The following STPG1 variants were observed in gnomAD, a reference collection of about 807,000 sequenced individuals.
STPG1 encodes the protein sperm tail PG-rich repeat containing 1.
In STPG1, 33 loss-of-function variants were observed where a neutral mutation model predicts 40.1. The ratio of observed to expected loss-of-function variants is 0.82; its 90% CI spans 0.62 to 1.10. The LOEUF (loss-of-function observed/expected upper bound fraction) is 1.10. Among genes scored for constraint, STPG1 ranks in the 50% least tolerant of loss-of-function variants. The pLI is 0.00. For missense variants in STPG1, 396 were observed against 415.1 expected (o/e 0.95, Z 0.40); for synonymous variants, 150 against 155.0 (o/e 0.97, Z 0.24).
intron 3 of STPG1, among the ~76,000 whole-genome samples, chr1:24,387,290 T>A (rs1024709886): frequency 1.3e-5 from 2 of 152,166 alleles, no homozygotes; most frequent in African/African-American, 4.8e-5. Context: ...ACAGTGCTCA[T>A]GGATGGATGT....
At chr1:24,396,299 C>CTATCTATCTATCTATCTATCTATCATCT (rs58386447) in intron 2 of STPG1, among the ~76,000 whole-genome samples, 7 of 144,354 alleles carry the variant, frequency 4.8e-5, no homozygotes, top group South Asian at 2.1e-4. Context: ...ATCTATCTAT[C>CTATCTATCTATCTATCTATCTATCATCT]ATCTATCTAT....
chr1:24,364,475 A>G, intron 7 of STPG1: 1 of 1,393,846 alleles, frequency 7.2e-7, no homozygotes, highest in Non-Finnish European at 9.3e-7. Flanking sequence ...ATTACTTTGC[A>G]TTTAAAATGT....
rs570113655 is a variant in STPG1 at position 24,374,987 on chromosome 1, G to A, written c.463-1177C>T. Among the ~76,000 whole-genome samples, 54 of 152,206 alleles carry A rather than the reference G, an allele frequency of 3.5e-4. 1 individual carries two copies. Among genetic ancestry groups the A allele is most frequent in the African/African-American group, 1.2e-3 (49 of 41,528 alleles). ...TACCCATCCCCATCCTCATTCCTAGGTGCATTGCTCACTGTTCAAACAGCC... is the reference window on the plus strand; with the variant it reads ...TACCCATCCCCATCCTCATTCCTAGATGCATTGCTCACTGTTCAAACAGCC... On this transcript the variant is annotated intron_variant, in intron 5 of 8. Coordinates refer to ENST00000337248, the MANE Select transcript of STPG1 (RefSeq NM_001199013.2).
intron 1 of STPG1, among the ~76,000 whole-genome samples, chr1:24,412,808 G>A (rs1643763690): frequency 6.6e-6 from 1 of 152,208 alleles, no homozygotes; most frequent in Admixed American, 6.5e-5. Context: ...GCAATTGTGT[G>A]TACAGCTGTG....
At chr1:24,406,642 T>A (rs1450337520) in intron 1 of STPG1, among the ~76,000 whole-genome samples, 1 of 152,116 alleles carries the variant, frequency 6.6e-6, no homozygotes, top group Non-Finnish European at 1.5e-5. Context: ...GAGTATAGAA[T>A]TATGGGTTCA....
In STPG1 at chr1:24,357,985, A is replaced by C. The variant is rs1484183304; in HGVS notation, c.*558T>G. The C allele has an allele frequency of 5.7e-6, 2 of 350,988 alleles. No homozygotes were observed. The highest frequency in any genetic ancestry group is 1.1e-5 in the Non-Finnish European group (2 of 177,220). 21.7% of individuals were successfully genotyped at this position (350,988 alleles called of 1,614,324 possible). A position where few individuals can be genotyped will look rare whatever the true frequency, so the allele number is the denominator to read the frequency against. On this transcript the variant is annotated 3_prime_UTR_variant, in exon 9 of 9. Coordinates refer to ENST00000337248, the MANE Select transcript of STPG1 (RefSeq NM_001199013.2). ...TTTCCAAACAGGTGGTCACTTTAGA[A>C]AGGAAGCTGTGGACTGGTGGAAAAA...
intron 1 of STPG1, 41 bp from the exon 2 acceptor site, chr1:24,401,497 A>C: frequency 1.1e-6 from 1 of 899,712 alleles, no homozygotes. Context: ...ATCATTTCAC[A>C]TTGGTTAATT....
chr1:24,401,120 T>C (rs1004282313), intron 2 of STPG1, 199 bp downstream of exon 2: 3 of 461,068 alleles, frequency 6.5e-6, no homozygotes, highest in Admixed American at 3.7e-5. Context: ...ACTTCCTCCT[T>C]CTTCTCTCAT....
At chr1:24,374,256 TG>T (rs371514781) in intron 5 of STPG1, among the ~76,000 whole-genome samples, 8,245 of 60,520 alleles carry the variant, frequency 0.14, 2,235 homozygotes, top group African/African-American at 0.36. Context: ...TTTTTTTTTT[TG>T]TTTTTTTTTT....
chr1:24,414,368 G>GTA (rs1643914418), upstream of STPG1: 1 of 142,320 alleles, frequency 7.0e-6, no homozygotes. Flanking sequence ...TCTAACAGAA[G>GTA]AAAAAAAAAA....
rs114304761 is a variant in STPG1 at position 24,364,917 on chromosome 1, G to A, written c.738-3876C>T. ...TGCAAATCACCTAAGAATAATGAAT[G>A]TCTTAGAGGACTCAGCAGGCCACTT... On this transcript the variant is annotated intron_variant, in intron 7 of 8. Coordinates refer to ENST00000337248, the MANE Select transcript of STPG1 (RefSeq NM_001199013.2). 5.9e-3 allele frequency among the ~76,000 whole-genome samples: 901 copies of A among 152,310 alleles called. 13 individuals carry two copies. Among genetic ancestry groups the A allele is most frequent in the African/African-American group, 0.021 (858 of 41,556 alleles).
At chr1:24,410,549 C>T (rs1643577355) in intron 1 of STPG1, among the ~76,000 whole-genome samples, 1 of 152,190 alleles carries the variant, frequency 6.6e-6, no homozygotes, top group Admixed American at 6.5e-5. Flanking sequence ...GTGAAGATTG[C>T]AGTGAGCCAA....
At chr1:24,398,693 T>C (rs1643102520) in intron 2 of STPG1, among the ~76,000 whole-genome samples, 2 of 152,044 alleles carry the variant, frequency 1.3e-5, no homozygotes, top group East Asian at 3.8e-4. Flanking sequence ...ATTAATTTTT[T>C]TGTACAGCAG....
chr1:24,383,375 A>G (rs1229345374), intron 4 of STPG1, among the ~76,000 whole-genome samples: 1 of 152,232 alleles, frequency 6.6e-6, no homozygotes, highest in East Asian at 1.9e-4. Context: ...GGTCAGGGTC[A>G]TTGGCAATTC....
intron 1 of STPG1, chr1:24,411,850 C>T (rs757467875): frequency 1.3e-5 from 2 of 152,214 alleles, no homozygotes; most frequent in Non-Finnish European, 2.9e-5. Flanking sequence ...TCACAGAATG[C>T]TAGGTTTCAT....
At chr1:24,401,714 C>T (rs778924426) in intron 1 of STPG1, among the ~76,000 whole-genome samples, 8 of 152,056 alleles carry the variant, frequency 5.3e-5, no homozygotes, top group Non-Finnish European at 8.8e-5. Flanking sequence ...TTTTTTGATA[C>T]GGAGTTTTGC....
intron 1 of STPG1, among the ~76,000 whole-genome samples, chr1:24,410,435 C>T (rs964139478): frequency 2.0e-4 from 30 of 152,122 alleles, no homozygotes; most frequent in African/African-American, 6.5e-4. Context: ...ACAGTGAAAC[C>T]CCATGTCTAC....
chr1:24,392,754 TG>T (rs556133836), intron 2 of STPG1, among the ~76,000 whole-genome samples: 5 of 151,728 alleles, frequency 3.3e-5, no homozygotes, highest in African/African-American at 1.2e-4. Context: ...AAATTTTGGG[TG>T]GGGGGGTGCA....
At chr1:24,412,818 G>A (rs1053499613) in intron 1 of STPG1, among the ~76,000 whole-genome samples, 1 of 152,214 alleles carries the variant, frequency 6.6e-6, no homozygotes, top group Non-Finnish European at 1.5e-5. Context: ...GTACAGCTGT[G>A]CTCAGAATAT....
Sources: allele counts gnomAD v4.1 joint callset (sites outside exome capture counted in the v4.1 genomes callset), GRCh38; gene constraint gnomAD v4.1.1; transcripts MANE v1.5; gene names NCBI Gene and HGNC (gene_info 2026-07-23, HGNC 2026-07-21).